ARHGAP12: variants seen among roughly 807,000 people sequenced by gnomAD.
ARHGAP12 encodes the protein rho GTPase-activating protein 12.
A neutral mutation model predicts 108.6 loss-of-function variants in ARHGAP12; 64 were observed. The ratio of observed to expected loss-of-function variants is 0.59; its 90% CI spans 0.48 to 0.73. The LOEUF (loss-of-function observed/expected upper bound fraction) is 0.73, where lower values mean the gene tolerates loss of function less well. Among genes scored for constraint, ARHGAP12 ranks in the 30% least tolerant of loss-of-function variants. The pLI is 0.00. For missense variants in ARHGAP12, 940 were observed against 1,005.9 expected (o/e 0.93, Z 0.89); for synonymous variants, 312 against 337.2 (o/e 0.93, Z 0.82).
intron 9 of ARHGAP12, among the ~76,000 whole-genome samples, chr10:31,833,490 C>T (rs554619330): frequency 1.3e-5 from 2 of 152,130 alleles, no homozygotes; most frequent in African/African-American, 2.4e-5. Flanking sequence ...TAGACTGAAA[C>T]TGGAACATAA....
intron 3 of ARHGAP12, among the ~76,000 whole-genome samples, chr10:31,902,413 T>C (rs1838965648): frequency 6.6e-6 from 1 of 151,838 alleles, no homozygotes; most frequent in Admixed American, 6.6e-5. Flanking sequence ...CAGTGACTCA[T>C]GCCTATAATC....
At chr10:31,913,988 C>A (rs1839458617) in intron 1 of ARHGAP12, among the ~76,000 whole-genome samples, 1 of 152,040 alleles carries the variant, frequency 6.6e-6, no homozygotes. Context: ...TGGTGCACAG[C>A]ACAAATCAGT....
intron 6 of ARHGAP12, 140 bp downstream of exon 6, chr10:31,852,377 G>A (rs569634761): frequency 8.2e-5 from 58 of 707,026 alleles, no homozygotes; most frequent in Non-Finnish European, 1.3e-4. Flanking sequence ...ACTACTCACA[G>A]TATTCACAGT....
intron 3 of ARHGAP12, among the ~76,000 whole-genome samples, chr10:31,905,094 G>C (rs1019651926): frequency 3.3e-5 from 5 of 151,864 alleles, no homozygotes; most frequent in Admixed American, 3.3e-4. Flanking sequence ...CTCGAGACTG[G>C]TTACAGAATA....
At chr10:31,872,663 G>A (rs2132339139) in intron 3 of ARHGAP12, among the ~76,000 whole-genome samples, 1 of 152,154 alleles carries the variant, frequency 6.6e-6, no homozygotes, top group East Asian at 1.9e-4. Flanking sequence ...GATCCTCCAT[G>A]ATACCACTAG....
intron 14 of ARHGAP12, among the ~76,000 whole-genome samples, chr10:31,813,477 G>C (rs1451764570): frequency 6.6e-6 from 1 of 152,178 alleles, no homozygotes. Context: ...GGGAAGTTGA[G>C]AGCATGAAGA....
intron 15 of ARHGAP12, among the ~76,000 whole-genome samples, chr10:31,811,111 C>G (rs1479865581): frequency 1.3e-5 from 2 of 152,166 alleles, no homozygotes; most frequent in Non-Finnish European, 2.9e-5. Flanking sequence ...TAGACACATT[C>G]TATTTTATTA....
At chr10:31,901,531 T>A (rs1838924120) in intron 3 of ARHGAP12, among the ~76,000 whole-genome samples, 2 of 35,600 alleles carry the variant, frequency 5.6e-5, no homozygotes. Flanking sequence ...AAAAACCTGG[T>A]CTCAAAAAAA....
chr10:31,901,987 C>T (rs1344066402), intron 3 of ARHGAP12, among the ~76,000 whole-genome samples: 1 of 152,158 alleles, frequency 6.6e-6, no homozygotes, highest in Non-Finnish European at 1.5e-5. Context: ...ACTGCAAAAA[C>T]CTCTTTCCCA....
intron 10 of ARHGAP12, among the ~76,000 whole-genome samples, chr10:31,831,341 C>T (rs2132202764): frequency 6.6e-6 from 1 of 152,248 alleles, no homozygotes; most frequent in East Asian, 1.9e-4. Context: ...TATATCCTAT[C>T]TCTGGAGGAA....
At chr10:31,887,014 C>T (rs556791424) in intron 3 of ARHGAP12, among the ~76,000 whole-genome samples, 1 of 152,318 alleles carries the variant, frequency 6.6e-6, no homozygotes, top group East Asian at 1.9e-4. Flanking sequence ...TCCAGTGAAA[C>T]AGATCCAGCA....
intron 9 of ARHGAP12, among the ~76,000 whole-genome samples, chr10:31,833,591 T>C (rs114569800): frequency 4.1e-4 from 62 of 152,300 alleles, no homozygotes; most frequent in African/African-American, 1.5e-3. Context: ...TAATGCTCTA[T>C]TAATCACTCT....
chr10:31,916,049 A>G (rs1227602986), intron 1 of ARHGAP12, among the ~76,000 whole-genome samples: 1 of 152,186 alleles, frequency 6.6e-6, no homozygotes, highest in Non-Finnish European at 1.5e-5. Flanking sequence ...CTGTTTCTAT[A>G]AAGTATTTTG....
intron 3 of ARHGAP12, among the ~76,000 whole-genome samples, chr10:31,876,844 TC>T (rs1025496807): frequency 2.0e-5 from 3 of 152,202 alleles, no homozygotes; most frequent in African/African-American, 7.2e-5. Flanking sequence ...GTCTTGAGTA[TC>T]CTTTAAGGGC....
At chr10:31,875,623 T>C (rs1438879626) in intron 3 of ARHGAP12, among the ~76,000 whole-genome samples, 1 of 152,222 alleles carries the variant, frequency 6.6e-6, no homozygotes, top group African/African-American at 2.4e-5. Flanking sequence ...AACTGAGGCC[T>C]GTCTAGACAC....
At chr10:31,830,733 C>A (rs1226893891) in intron 10 of ARHGAP12, among the ~76,000 whole-genome samples, 1 of 152,060 alleles carries the variant, frequency 6.6e-6, no homozygotes, top group Non-Finnish European at 1.5e-5. Flanking sequence ...ACCAAAAAAT[C>A]CAACAATCCA....
In ARHGAP12 at chr10:31,880,599, CTAA is replaced by C. The variant is rs1293324122; in HGVS notation, c.685-18944_685-18942del. Among the ~76,000 whole-genome samples, 4 of 152,250 alleles carry C rather than the reference CTAA, an allele frequency of 2.6e-5. No homozygotes were observed. In the South Asian group the frequency reaches 6.2e-4, roughly 24 times the overall value. ...AAAATGTTTACCTAGGAAACACAGC[CTAA>C]TAATATCACTTCATGTAATATAACT... On this transcript the variant is annotated intron_variant, in intron 3 of 19. Coordinates refer to ENST00000344936, the MANE Select transcript of ARHGAP12 (RefSeq NM_018287.7).
At position 31,826,370 on chromosome 10, in the gene ARHGAP12, A is replaced by G; in HGVS notation, c.1464T>C (p.Ser488=). The change falls in exon 11 of 20, where the codon TCT becomes TCC. Residue 488 remains serine, a synonymous_variant. Coordinates refer to ENST00000344936, the MANE Select transcript of ARHGAP12 (RefSeq NM_018287.7). ...NGKKVRKNWL[S]SWAVLQGSSL... is the part of the protein sequence containing the mutation. ...ATGAACCCTGCAACACCGCCCAAGA[A>G]GACAACCAGTTCTTTCTGTAATTAT... 6.2e-7 allele frequency: 1 copy of G among 1,611,510 alleles called. No individual in the cohort carries two copies. Among genetic ancestry groups the G allele is most frequent in the Non-Finnish European group, 8.5e-7 (1 of 1,178,688 alleles).
At chr10:31,883,058 G>A (rs753519285) in intron 3 of ARHGAP12, among the ~76,000 whole-genome samples, 71 of 152,118 alleles carry the variant, frequency 4.7e-4, no homozygotes, top group Admixed American at 2.4e-3. Context: ...CACTTTGGGA[G>A]GCCGAGGCAG....
Sources: allele counts gnomAD v4.1 joint callset (sites outside exome capture counted in the v4.1 genomes callset), GRCh38; gene constraint gnomAD v4.1.1; transcripts MANE v1.5; gene names NCBI Gene and HGNC (gene_info 2026-07-23, HGNC 2026-07-21).